Variants in URAD observed in about 807,000 individuals in gnomAD.
URAD encodes putative 2-oxo-4-hydroxy-4-carboxy-5-ureidoimidazoline decarboxylase.
A neutral mutation model predicts 4.6 loss-of-function variants in URAD; 4 were observed. The ratio of observed to expected loss-of-function variants is 0.87; its 90% confidence interval spans 0.43 to 1.98. The LOEUF is 1.98. Ranked by LOEUF, URAD falls within the 30% of genes most tolerant of loss-of-function variation. The pLI is 0.03. For missense variants in URAD, 300 were observed against 255.3 expected (o/e 1.18, Z -1.19); for synonymous variants, 144 against 118.2 (o/e 1.22, Z -1.41).
At chr13:27,986,358 C>T (rs1008304646) in intron 1 of URAD, among the ~76,000 whole-genome samples, 10 of 152,176 alleles carry the variant, frequency 6.6e-5, no homozygotes, top group African/African-American at 1.4e-4. Context: ...TTCATCAAGT[C>T]ACGGGGGCAT....
At chr13:27,984,496 T>G (rs1368739712) in intron 1 of URAD, among the ~76,000 whole-genome samples, 1 of 152,216 alleles carries the variant, frequency 6.6e-6, no homozygotes, top group Non-Finnish European at 1.5e-5. Flanking sequence ...GACTCGCCCT[T>G]AGTCTAGAAA....
At chr13:27,979,424 A>C (rs1194220688) in intron 1 of URAD, among the ~76,000 whole-genome samples, 18 of 152,256 alleles carry the variant, frequency 1.2e-4, no homozygotes, top group Non-Finnish European at 2.4e-4. Context: ...GGGGCGAGGC[A>C]AGATTCCAGA....
Position 27,988,595 on chromosome 13 carries a change from C to T in URAD, c.43G>A (p.Val15Met), listed in dbSNP as rs1014893480. ...TCAGTGGCATTCCCAAACACATCCA[C>T]GAATTCTCCAAGGTCCATGGAGTTG... is the stretch of plus-strand genomic sequence containing the variant. The part of the protein sequence containing the change: ...KVNSMDLGEF[V>M]DVFGNATERC... The change falls in exon 1 of 2, where the codon GTG (valine) becomes ATG (methionine). Residue 15 changes from valine to methionine, a missense_variant. Transcript: ENST00000332715. The T allele has an allele frequency of 3.7e-6, 6 of 1,613,644 alleles. No individual in the cohort carries two copies. Among genetic ancestry groups the T allele is most frequent in the Non-Finnish European group, 5.1e-6 (6 of 1,179,728 alleles).
intron 1 of URAD, among the ~76,000 whole-genome samples, chr13:27,980,433 G>T (rs1011901361): frequency 1.3e-5 from 2 of 152,192 alleles, no homozygotes; most frequent in African/African-American, 4.8e-5. Context: ...CTGGGGAACC[G>T]AGCTCAGCTC....
In URAD at chr13:27,978,073, T is replaced by C; in HGVS notation, c.*33A>G. 7.0e-7 allele frequency: 1 copy of C among 1,422,358 alleles called. No individual in the cohort carries two copies. The allele number at this position is 1,422,358 out of a possible 1,614,324, so 88.1% of individuals were successfully genotyped here. ...CGGGCCGTGGCCCCCGCGCGTCCGG[T>C]TGTGCGTCCCGGGTCCCTGGCCCGC... is the stretch of plus-strand genomic sequence containing the variant. On this transcript the variant is annotated 3_prime_UTR_variant, in exon 2 of 2. Coordinates refer to ENST00000332715, the MANE Select transcript of URAD (RefSeq NM_001105577.2).
Position 27,978,296 on chromosome 13 carries a change from T to C in URAD, c.332A>G (p.Tyr111Cys), listed in dbSNP as rs1869774241. ...RLRLAELNAQYRARFGFPFVL... is the reference protein window; with the variant it reads ...RLRLAELNAQCRARFGFPFVL... ...GAAGGGGAAACCGAAGCGCGCGCGG[T>C]ACTGCGCGTTGAGCTCGGCCAGCCG... Residue 111 changes from tyrosine to cysteine, a missense_variant, in exon 2 of 2, where the codon TAC (tyrosine) becomes TGC (cysteine). By Grantham distance (194) the Tyr-to-Cys change is radical. Transcript: ENST00000332715. The C allele has an allele frequency of 7.1e-7, 1 of 1,410,308 alleles. No individual in the cohort carries two copies. The allele number at this position is 1,410,308 out of a possible 1,614,324, so 87.4% of individuals were successfully genotyped here. A position where few individuals can be genotyped will look rare whatever the true frequency, so the allele number is the denominator to read the frequency against.
In URAD at chr13:27,981,873, A is replaced by C. The variant is rs145230673; in HGVS notation, c.176-3421T>G. ...AATCCCTCATCCCATAAACAATATT[A>C]ACGTTCTCCCTTGATTCCCTGTTGC... On this transcript the variant is annotated intron_variant, in intron 1 of 1. Transcript: ENST00000332715. Among the ~76,000 whole-genome samples the C allele has an allele frequency of 6.0e-3, 914 of 152,240 alleles. 13 individuals carry two copies. Among genetic ancestry groups the C allele is most frequent in the Admixed American group, 0.017 (267 of 15,290 alleles).
At position 27,978,436 on chromosome 13, in the gene URAD, C is replaced by G. The variant is rs1269808285; in HGVS notation, c.192G>C (p.Leu64=). 33 of 1,364,538 alleles carry G rather than the reference C, an allele frequency of 2.4e-5. No homozygotes were observed. The highest frequency in any genetic ancestry group is 3.1e-5 in the African/African-American group (2 of 65,324). The allele number at this position is 1,364,538 out of a possible 1,614,324, so 84.5% of individuals were successfully genotyped here. A position where few individuals can be genotyped will look rare whatever the true frequency, so the allele number is the denominator to read the frequency against. The change falls in exon 2 of 2, where the codon CTG becomes CTC. Residue 64 remains leucine, a synonymous_variant. Transcript: ENST00000332715. ...ALAQSGQEGI[L]RCHPDLAGSE... is the part of the protein sequence containing the mutation. The stretch of plus-strand genomic sequence containing the variant: ...TGCCCGCCAGGTCCGGGTGGCAGCG[C>G]AGGATGCCCTCCTGGCCTGCGGAGA...
intron 1 of URAD, among the ~76,000 whole-genome samples, 188 bp from the exon 2 acceptor site, chr13:27,978,640 T>A (rs1869792252): frequency 6.6e-6 from 1 of 152,140 alleles, no homozygotes; most frequent in African/African-American, 2.4e-5. Flanking sequence ...AGGGGCGCCC[T>A]TGGCGCGCCC....
intron 1 of URAD, among the ~76,000 whole-genome samples, chr13:27,980,188 T>C (rs903380706): frequency 4.6e-5 from 7 of 152,130 alleles, no homozygotes; most frequent in Admixed American, 3.3e-4. Context: ...CTCGGCCTCC[T>C]AAAGTGCTGG....
rs757962505 is a variant in URAD at position 27,988,480 on chromosome 13, T to C, written c.158A>G (p.Asp53Gly). 6.2e-7 allele frequency: 1 copy of C among 1,611,756 alleles called. No individual in the cohort carries two copies. Among genetic ancestry groups the C allele is most frequent in the Admixed American group, 1.7e-5 (1 of 59,726 alleles). The change falls in exon 1 of 2, where the codon GAT becomes GGT. Residue 53 changes from aspartate to glycine, a missense_variant. Coordinates refer to ENST00000332715, the MANE Select transcript of URAD (RefSeq NM_001105577.2). ...DLEKHFFAFIDALAQSGQEGI... is the reference protein window; with the variant it reads ...DLEKHFFAFIGALAQSGQEGI... ...AGCCTTACCTGACTGTGCAAGGGCA[T>C]CAATAAAGGCAAAAAAGTGCTTCTC... is the stretch of plus-strand genomic sequence containing the variant.
At position 27,978,202 on chromosome 13, in the gene URAD, CG is replaced by C; in HGVS notation, c.425del (p.Pro142ArgfsTer13). Reference sequence around the variant, plus strand: ...GAGCAGTGCGCAGCTCCTGCGCGGACGGGCAGAGCAGCCGGCGCGCCAGCTC... The same window carrying C: ...GAGCAGTGCGCAGCTCCTGCGCGGACGGCAGAGCAGCCGGCGCGCCAGCTC... ...PRELARRLLC[P>X]SAQELRTALG... is the part of the protein sequence containing the mutation. On this transcript the variant is annotated frameshift_variant, in exon 2 of 2. Coordinates refer to ENST00000332715, the MANE Select transcript of URAD (RefSeq NM_001105577.2). LOFTEE classifies it low-confidence loss of function (END_TRUNC). 1 of 1,490,314 alleles carries C rather than the reference CG, an allele frequency of 6.7e-7. No individual in the cohort carries two copies. Among genetic ancestry groups the C allele is most frequent in the Non-Finnish European group, 8.8e-7 (1 of 1,131,792 alleles). 92.3% of individuals were successfully genotyped at this position (1,490,314 alleles called of 1,614,324 possible). A position where few individuals can be genotyped will look rare whatever the true frequency, so the allele number is the denominator to read the frequency against.
At chr13:27,984,763 G>A (rs1419113194) in intron 1 of URAD, among the ~76,000 whole-genome samples, 1 of 152,164 alleles carries the variant, frequency 6.6e-6, no homozygotes, top group East Asian at 1.9e-4. Flanking sequence ...CGGATCACAA[G>A]GTCAGGAGAT....
At chr13:27,985,755 A>G (rs1870009002) in intron 1 of URAD, among the ~76,000 whole-genome samples, 1 of 152,174 alleles carries the variant, frequency 6.6e-6, no homozygotes. Flanking sequence ...ACTTTCTAGT[A>G]GTGTGTCCTT....
intron 1 of URAD, among the ~76,000 whole-genome samples, chr13:27,980,733 G>C (rs1869850089): frequency 6.6e-6 from 1 of 152,166 alleles, no homozygotes; most frequent in Non-Finnish European, 1.5e-5. Context: ...CGCGCAGGCC[G>C]CGCAGCAGAG....
chr13:27,983,227 T>A lies in URAD; in HGVS notation c.176-4775A>T, dbSNP rs77813429. Among the ~76,000 whole-genome samples, 3 of 151,358 alleles carry A rather than the reference T, an allele frequency of 2.0e-5. No individual in the cohort carries two copies. In the South Asian group the frequency reaches 6.3e-4, roughly 32 times the overall value. ...TCATCCTGGTCTCAGGTTCCTTTGC[T>A]TTTTTTTTGTTTTTGTTTTTGAGAC... On this transcript the variant is annotated intron_variant, in intron 1 of 1. Coordinates refer to ENST00000332715, the MANE Select transcript of URAD (RefSeq NM_001105577.2).
chr13:27,984,679 T>C (rs937149144), intron 1 of URAD, among the ~76,000 whole-genome samples: 15 of 152,172 alleles, frequency 9.9e-5, no homozygotes, highest in Non-Finnish European at 5.9e-5. Flanking sequence ...AGCTAGACTG[T>C]AATAAATCCC....
At chr13:27,986,499 C>T (rs1593192865) in intron 1 of URAD, among the ~76,000 whole-genome samples, 1 of 151,712 alleles carries the variant, frequency 6.6e-6, no homozygotes, top group African/African-American at 2.4e-5. Flanking sequence ...TGTTGGTGAG[C>T]AATAAGATGA....
intron 1 of URAD, among the ~76,000 whole-genome samples, chr13:27,983,447 T>C (rs1869932473): frequency 6.6e-6 from 1 of 152,134 alleles, no homozygotes. Context: ...CAGGCTGGTC[T>C]CGAACTCCTG....
Sources: gnomAD v4.1 joint callset for allele counts (sites outside exome capture counted in the v4.1 genomes callset) on GRCh38, gnomAD v4.1.1 for gene constraint, MANE v1.5 for transcripts, NCBI Gene and HGNC (gene_info 2026-07-23, HGNC 2026-07-21) for gene names.